Variants in CPZ observed in about 807,000 individuals in gnomAD.
CPZ encodes the protein carboxypeptidase Z.
In CPZ, 103 loss-of-function variants were observed where a neutral mutation model predicts 61.8. The observed-to-expected ratio is 1.67, with a 90% confidence interval of 1.42 to 1.96. CPZ has a LOEUF of 1.96. CPZ is among the 30% of genes most tolerant of loss of function. The pLI is 0.00. For synonymous variants in CPZ, 551 were observed against 373.7 expected (o/e 1.47, Z -5.47); for missense variants, 1,461 against 914.9 (o/e 1.60, Z -7.70).
intron 9 of CPZ, 73 bp downstream of exon 9, chr4:8,614,571 G>A (rs181187409): frequency 7.8e-6 from 12 of 1,533,460 alleles, no homozygotes; most frequent in Non-Finnish European, 1.1e-5. Flanking sequence ...AGGCCCCCAG[G>A]GCAGCCCCCG....
At chr4:8,606,328 C>T (rs1301619445) in intron 5 of CPZ, 143 bp downstream of exon 5, 4 of 824,958 alleles carry the variant, frequency 4.8e-6, no homozygotes. Context: ...TACTGGCAAA[C>T]CCCTGCTTCA....
chr4:8,599,415 G>A (rs367578052), intron 1 of CPZ, 38 bp from the exon 2 acceptor site: 34 of 1,570,434 alleles, frequency 2.2e-5, no homozygotes, highest in African/African-American at 2.7e-5. Flanking sequence ...GAAGGATGGC[G>A]AGGCAGGTCC....
At chr4:8,616,787 G>C (rs369067707) in intron 9 of CPZ, among the ~76,000 whole-genome samples, 2 of 152,114 alleles carry the variant, frequency 1.3e-5, no homozygotes, top group East Asian at 1.9e-4. Flanking sequence ...TCTCCCTCCC[G>C]CTAAATGCGA....
intron 2 of CPZ, chr4:8,599,805 G>A (rs919808389): frequency 1.0e-5 from 4 of 387,528 alleles, no homozygotes; most frequent in Admixed American, 4.7e-5. Context: ...TGCATTTCAT[G>A]GTCACTGGCT....
intron 8 of CPZ, among the ~76,000 whole-genome samples, chr4:8,613,990 G>C (rs1468247701): frequency 6.6e-6 from 1 of 152,252 alleles, no homozygotes; most frequent in Non-Finnish European, 1.5e-5. Context: ...CCTCACCAGA[G>C]ACAGCATGGG....
chr4:8,606,717 G>A lies in CPZ; in HGVS notation c.907-20G>A. On this transcript the variant is annotated intron_variant, in intron 5 of 10. Coordinates refer to ENST00000360986, the MANE Select transcript of CPZ (RefSeq NM_001014447.3). Reference sequence around the variant, plus strand: ...GGGGTGTGCTGACCCCACCCAGTCGGGGGTTGGCCATGTTTTCAGGGTGCC... The same window carrying A: ...GGGGTGTGCTGACCCCACCCAGTCGAGGGTTGGCCATGTTTTCAGGGTGCC... The A allele has an allele frequency of 1.2e-6, 2 of 1,614,026 alleles. No homozygotes were observed. The highest frequency in any genetic ancestry group is 1.1e-5 in the South Asian group (1 of 91,084).
intron 7 of CPZ, among the ~76,000 whole-genome samples, chr4:8,609,110 C>T (rs1354432318): frequency 1.5e-5 from 1 of 66,190 alleles, no homozygotes; most frequent in African/African-American, 9.4e-5. Context: ...TCACTCCCTT[C>T]CTCACTCCCT....
At position 8,601,134 on chromosome 4, in the gene CPZ, G is replaced by A. The variant is rs773710698; in HGVS notation, c.133G>A (p.Asp45Asn). ...PPAADSATCV[D>N]LQLRTCSDAA... The stretch of plus-strand genomic sequence containing the variant: ...CCCTGCCTCCCCAGCCACCTGCGTG[G>A]ACCTGCAGCTCAGGACCTGCAGCGA... The change falls in exon 3 of 11, where the codon GAC becomes AAC. Residue 45 changes from aspartate (D) to asparagine (N), a missense_variant. Physicochemically the swap from Asp to Asn is conservative, Grantham distance 23. Coordinates refer to ENST00000360986, the MANE Select transcript of CPZ (RefSeq NM_001014447.3). 8.9e-6 allele frequency: 14 copies of A among 1,575,632 alleles called. No individual in the cohort carries two copies. In the Middle Eastern group the frequency reaches 5.1e-4, roughly 57 times the overall value.
Position 8,601,207 on chromosome 4 carries a change from C to T in CPZ, c.206C>T (p.Ser69Leu), listed in dbSNP as rs773719320. The change falls in exon 3 of 11, where the codon TCG becomes TTG. Residue 69 changes from serine to leucine, a missense_variant. Physicochemically the swap from Ser to Leu is moderately radical, Grantham distance 145. Transcript: ENST00000360986. The part of the protein sequence containing the change: ...TTFPNLLQHR[S>L]WEVVEASSEY... ...TTCCCCAACCTGCTTCAGCACCGGT[C>T]GTGGGAGGTGGTGGAGGCCAGCTCC... The T allele has an allele frequency of 3.1e-5, 50 of 1,613,128 alleles. No homozygotes were observed. The Middle Eastern group carries it at 2.8e-3, about 90-fold the overall frequency.
intron 2 of CPZ, 151 bp from the exon 3 acceptor site, chr4:8,600,972 C>G: frequency 1.4e-6 from 2 of 1,405,488 alleles, no homozygotes; most frequent in Non-Finnish European, 1.8e-6. Flanking sequence ...GATTCCTGCA[C>G]AGTAGCTGTT....
At chr4:8,617,621 G>A (rs966139349) in intron 9 of CPZ, among the ~76,000 whole-genome samples, 9 of 152,208 alleles carry the variant, frequency 5.9e-5, no homozygotes, top group African/African-American at 1.9e-4. Context: ...GGCCTGGCTG[G>A]GAGCCCTTTC....
At position 8,605,946 on chromosome 4, in the gene CPZ, C is replaced by T. The variant is rs765617177; in HGVS notation, c.710-43C>T. 1.5e-5 allele frequency: 23 copies of T among 1,584,078 alleles called. No individual in the cohort carries two copies. The Middle Eastern group carries it at 1.2e-3, about 81-fold the overall frequency. ...GGGGGCCTCATGCCTTTGGGGACCC[C>T]CGGCTTTGAGATGATGCCCCAAGTC... On this transcript the variant is annotated intron_variant, in intron 4 of 10. Coordinates refer to ENST00000360986, the MANE Select transcript of CPZ (RefSeq NM_001014447.3).
rs57341669 is a variant in CPZ, at chr4:8,608,641, C to CGTGTGTGTGTGTATGCCT, written c.1227+1223_1227+1224insTGTGTATGCCTGTGTGTG. 3.9e-3 allele frequency among the ~76,000 whole-genome samples: 584 copies of CGTGTGTGTGTGTATGCCT among 151,474 alleles called. 3 individuals carry two copies. The highest frequency in any genetic ancestry group is 6.7e-3 in the Non-Finnish European group (453 of 67,858). On this transcript the variant is annotated intron_variant, in intron 7 of 10. Transcript: ENST00000360986. ...GGGCTGCAGGAGGGCTGTGAGTGCA[C>CGTGTGTGTGTGTATGCCT]GTGTGTGCGTGTGCATGCATGTGCA...
At chr4:8,600,934 G>C in intron 2 of CPZ, 189 bp from the exon 3 acceptor site, 1 of 1,341,946 alleles carries the variant, frequency 7.5e-7, no homozygotes, top group Non-Finnish European at 9.5e-7. Flanking sequence ...TTGGTCTTAG[G>C]CTCCTCCTCT....
chr4:8,606,206 A>G (rs1195014952), intron 5 of CPZ, 21 bp downstream of exon 5: 3 of 1,604,780 alleles, frequency 1.9e-6, no homozygotes, highest in Admixed American at 3.4e-5. Flanking sequence ...AGATGCCTGG[A>G]TCCTGTGGGC....
chr4:8,598,813 G>T lies in CPZ; in HGVS notation c.89-640G>T, dbSNP rs528722430. 2.0e-5 allele frequency among the ~76,000 whole-genome samples: 3 copies of T among 152,328 alleles called. No homozygotes were observed. In the South Asian group the frequency reaches 6.2e-4, roughly 32 times the overall value. On this transcript the variant is annotated intron_variant, in intron 1 of 10. Coordinates refer to ENST00000360986, the MANE Select transcript of CPZ (RefSeq NM_001014447.3). ...CCTTACTGTTGGGTTCACATGTCTG[G>T]GTTCAGAAAGGGCCCTCGAAACCCC...
chr4:8,602,557 C>T (rs544909407), intron 3 of CPZ: 1 of 152,310 alleles, frequency 6.6e-6, no homozygotes, highest in African/African-American at 2.4e-5. Context: ...CATGTGCTAG[C>T]TCACGCGAGT....
chr4:8,599,719 C>T (rs988249842), intron 2 of CPZ: 67 of 1,088,894 alleles, frequency 6.2e-5, no homozygotes, highest in South Asian at 8.4e-5. Context: ...CCACCCCAGC[C>T]CCTGCAGAGA....
chr4:8,614,224 C>A (rs1298992697), intron 8 of CPZ, 135 bp from the exon 9 acceptor site: 1 of 1,246,316 alleles, frequency 8.0e-7, no homozygotes. Context: ...TTGGCTGACA[C>A]CCCGACGTCC....
Sources: allele counts gnomAD v4.1 joint callset (sites outside exome capture counted in the v4.1 genomes callset), GRCh38; gene constraint gnomAD v4.1.1; transcripts MANE v1.5; gene names NCBI Gene and HGNC (gene_info 2026-07-23, HGNC 2026-07-21).